The following REPS1 variants were observed in gnomAD, a reference collection of about 807,000 sequenced individuals.
REPS1 encodes the protein RALBP1 associated Eps domain containing 1, also known as ralBP1-associated Eps domain-containing protein 1.
REPS1 carries 39 observed loss-of-function variants against 100.9 expected under a neutral mutation model. That is an observed-to-expected ratio of 0.39 (90% confidence interval 0.30 to 0.50). REPS1 has a LOEUF of 0.50. REPS1 is among the 20% of genes least tolerant of loss of function. REPS1 has a pLI of 0.86. For synonymous variants in REPS1, 324 were observed against 340.3 expected (o/e 0.95, Z 0.53); for missense variants, 821 against 968.5 (o/e 0.85, Z 2.02).
At chr6:138,942,858 G>A (rs990682592) in intron 7 of REPS1, among the ~76,000 whole-genome samples, 3 of 152,012 alleles carry the variant, frequency 2.0e-5, no homozygotes, top group African/African-American at 4.8e-5. Flanking sequence ...AGGTTCAAGC[G>A]AATCTCGTGC....
intron 13 of REPS1, among the ~76,000 whole-genome samples, chr6:138,916,676 T>A (rs1472762134): frequency 6.6e-6 from 1 of 152,170 alleles, no homozygotes; most frequent in Non-Finnish European, 1.5e-5. Context: ...CCTATTAAGT[T>A]CTGGATTTTG....
At chr6:138,925,594 T>C (rs998151244) in intron 10 of REPS1, among the ~76,000 whole-genome samples, 5 of 151,880 alleles carry the variant, frequency 3.3e-5, no homozygotes, top group Non-Finnish European at 5.9e-5. Flanking sequence ...CCTTTACACA[T>C]TTCTTCACTT....
chr6:138,947,951 C>A, intron 1 of REPS1, 38 bp from the exon 2 acceptor site: 1 of 1,523,612 alleles, frequency 6.6e-7, no homozygotes, highest in South Asian at 1.3e-5. Context: ...AGATTCACAA[C>A]AAAAATCTCC....
chr6:138,957,120 T>C (rs80260916), intron 1 of REPS1, among the ~76,000 whole-genome samples: 1,579 of 151,716 alleles, frequency 0.01, 22 homozygotes, highest in African/African-American at 0.036. Flanking sequence ...GAAGAGTAAA[T>C]CATTAAAGTA....
chr6:138,979,206 A>AAAAAAAAAAAAAG (rs1784789049), intron 1 of REPS1, among the ~76,000 whole-genome samples: 1 of 149,908 alleles, frequency 6.7e-6, no homozygotes, highest in Non-Finnish European at 1.5e-5. Context: ...AACAAAAAAA[A>AAAAAAAAAAAAAG]AAAACTGAAG....
chr6:138,969,100 T>C (rs375626597), intron 1 of REPS1, among the ~76,000 whole-genome samples: 1 of 152,128 alleles, frequency 6.6e-6, no homozygotes, highest in African/African-American at 2.4e-5. Context: ...TTATACCTAG[T>C]AGCATTATAG....
intron 18 of REPS1, among the ~76,000 whole-genome samples, 184 bp from the exon 19 acceptor site, chr6:138,907,784 TA>T (rs78499509): frequency 4.7e-3 from 659 of 140,754 alleles, no homozygotes; most frequent in African/African-American, 4.6e-3. Context: ...TAGGAAAGGT[TA>T]AAAAAAAAAA....
chr6:138,945,797 T>C, intron 2 of REPS1, 100 bp from the exon 3 acceptor site: 1 of 1,005,416 alleles, frequency 9.9e-7, no homozygotes, highest in Non-Finnish European at 1.4e-6. Flanking sequence ...TTTGTAAAAA[T>C]GGATACAGAA....
Position 138,988,072 on chromosome 6 carries a change from C to A in REPS1, c.-390G>T. The A allele has an allele frequency of 2.5e-6, 1 of 397,928 alleles. No homozygotes were observed. Among genetic ancestry groups the A allele is most frequent in the Non-Finnish European group, 4.4e-6 (1 of 225,612 alleles). 24.6% of individuals were successfully genotyped at this position (397,928 alleles called of 1,614,324 possible). A position where few individuals can be genotyped will look rare whatever the true frequency, so the allele number is the denominator to read the frequency against. On this transcript the variant is annotated 5_prime_UTR_variant, in exon 1 of 20. Coordinates refer to ENST00000450536, the MANE Select transcript of REPS1 (RefSeq NM_001286611.2). ...CCGGCTCCCTGCCGATTCCCCCAGACTTCCCGCCTCGGCTTCCCCTTCCGT... is the reference window on the plus strand; with the variant it reads ...CCGGCTCCCTGCCGATTCCCCCAGAATTCCCGCCTCGGCTTCCCCTTCCGT...
At chr6:138,954,483 T>C (rs1218689127) in intron 1 of REPS1, among the ~76,000 whole-genome samples, 2 of 135,862 alleles carry the variant, frequency 1.5e-5, no homozygotes, top group African/African-American at 2.8e-5. Flanking sequence ...ACACTAAAAC[T>C]AACAATAGAT....
At chr6:138,917,513 G>T in intron 13 of REPS1, 42 bp downstream of exon 13, 1 of 1,437,478 alleles carries the variant, frequency 7.0e-7, no homozygotes, top group Non-Finnish European at 9.8e-7. Context: ...TTAAAACGCA[G>T]CAAGATAGTT....
intron 2 of REPS1, among the ~76,000 whole-genome samples, chr6:138,946,664 T>C (rs542865900): frequency 6.6e-6 from 1 of 152,352 alleles, no homozygotes; most frequent in African/African-American, 2.4e-5. Context: ...CTTAAAACTA[T>C]TTCTACAAAT....
chr6:138,932,845 G>T (rs577155327), intron 8 of REPS1, among the ~76,000 whole-genome samples: 1 of 152,250 alleles, frequency 6.6e-6, no homozygotes, highest in Non-Finnish European at 1.5e-5. Flanking sequence ...GTTTCCAATG[G>T]TTACTAATGA....
At chr6:138,942,541 A>G (rs1782333662) in intron 7 of REPS1, among the ~76,000 whole-genome samples, 2 of 152,018 alleles carry the variant, frequency 1.3e-5, no homozygotes, top group South Asian at 2.1e-4. Context: ...TCCTGGACTC[A>G]AGCAATCCTC....
chr6:138,915,051 T>C, intron 14 of REPS1: 2 of 348,038 alleles, frequency 5.7e-6, no homozygotes, highest in Non-Finnish European at 1.0e-5. Context: ...CGTGTATCTC[T>C]GACTGCTGTT....
chr6:138,948,965 T>C (rs1284967730), intron 1 of REPS1, among the ~76,000 whole-genome samples: 1 of 152,186 alleles, frequency 6.6e-6, no homozygotes, highest in African/African-American at 2.4e-5. Flanking sequence ...TTCCTGCCAC[T>C]AAGGAGCATG....
At chr6:138,933,081 AGTAC>A (rs1365326089) in intron 8 of REPS1, among the ~76,000 whole-genome samples, 1 of 152,238 alleles carries the variant, frequency 6.6e-6, no homozygotes, top group African/African-American at 2.4e-5. Context: ...ATCAAGTTAA[AGTAC>A]AAAAAAATGC....
chr6:138,948,742 A>G (rs942133843), intron 1 of REPS1, among the ~76,000 whole-genome samples: 8 of 152,320 alleles, frequency 5.3e-5, no homozygotes, highest in African/African-American at 1.7e-4. Flanking sequence ...TTGTATAGAG[A>G]GAGCAGTTTT....
intron 1 of REPS1, among the ~76,000 whole-genome samples, chr6:138,959,196 G>C (rs767528739): frequency 5.3e-5 from 8 of 152,168 alleles, no homozygotes; most frequent in African/African-American, 7.2e-5. Flanking sequence ...ACAGCAAAGA[G>C]TGGTTAAGTG....
Sources: allele counts gnomAD v4.1 joint callset (sites outside exome capture counted in the v4.1 genomes callset), GRCh38; gene constraint gnomAD v4.1.1; transcripts MANE v1.5; gene names NCBI Gene and HGNC (gene_info 2026-07-23, HGNC 2026-07-21).